RSPO2: variants seen among roughly 807,000 people sequenced by gnomAD.
RSPO2 encodes R-spondin-2.
Under a neutral mutation model 30.9 loss-of-function variants are expected in RSPO2, and 14 were observed. That is an observed-to-expected ratio of 0.45 (90% CI 0.30 to 0.71). The LOEUF (loss-of-function observed/expected upper bound fraction) is 0.71. RSPO2 is among the 30% of genes least tolerant of loss of function. The pLI, the probability that RSPO2 is intolerant of heterozygous loss-of-function variation, is 0.08. For missense variants in RSPO2, 264 were observed against 301.9 expected (o/e 0.87, Z 0.93); for synonymous variants, 107 against 96.4 (o/e 1.11, Z -0.64).
intron 2 of RSPO2, among the ~76,000 whole-genome samples, chr8:108,040,581 G>A (rs1811725190): frequency 6.6e-6 from 1 of 152,124 alleles, no homozygotes; most frequent in Non-Finnish European, 1.5e-5. Flanking sequence ...CACTGAAAAT[G>A]AGAACTATCT....
intron 2 of RSPO2, among the ~76,000 whole-genome samples, chr8:108,054,203 G>A (rs1221010669): frequency 6.6e-6 from 1 of 152,178 alleles, no homozygotes; most frequent in Non-Finnish European, 1.5e-5. Flanking sequence ...AGGGCACACA[G>A]TGCTAGCTTC....
At chr8:108,070,482 C>T (rs999659010) in intron 2 of RSPO2, among the ~76,000 whole-genome samples, 2 of 151,708 alleles carry the variant, frequency 1.3e-5, no homozygotes, top group African/African-American at 2.4e-5. Flanking sequence ...TTAGTAGAGA[C>T]GGGGTTTCAC....
At chr8:108,006,962 C>A (rs1217165982) in intron 2 of RSPO2, among the ~76,000 whole-genome samples, 1 of 152,194 alleles carries the variant, frequency 6.6e-6, no homozygotes, top group Non-Finnish European at 1.5e-5. Flanking sequence ...CTATATTCTT[C>A]AGCATGTACC....
At chr8:108,059,982 C>T (rs1812397470) in intron 2 of RSPO2, among the ~76,000 whole-genome samples, 1 of 150,892 alleles carries the variant, frequency 6.6e-6, no homozygotes, top group East Asian at 1.9e-4. Context: ...TGCACATGTA[C>T]CCTAAAACTT....
rs1162602144 is a variant in RSPO2, at chr8:107,949,957, C to G, written c.616+8123G>C. On this transcript the variant is annotated intron_variant, in intron 5 of 5. Transcript: ENST00000276659. ...TTCAGCCTTCATCCAAGGATAAACG[C>G]CAAGCTGCTTTCTACCTTTTGGAAG... 2.0e-5 allele frequency among the ~76,000 whole-genome samples: 3 copies of G among 152,116 alleles called. No individual in the cohort carries two copies. The East Asian group carries it at 5.8e-4, about 29-fold the overall frequency.
At chr8:107,905,720 C>G (rs996505075) in intron 5 of RSPO2, among the ~76,000 whole-genome samples, 1 of 151,732 alleles carries the variant, frequency 6.6e-6, no homozygotes, top group Non-Finnish European at 1.5e-5. Flanking sequence ...TGAAATGCTC[C>G]TTTTACATCT....
chr8:107,989,280 A>G (rs1232107598), intron 2 of RSPO2, 36 bp from the exon 3 acceptor site: 1 of 1,426,626 alleles, frequency 7.0e-7, no homozygotes, highest in East Asian at 2.5e-5. Flanking sequence ...TTTAATTATC[A>G]GTATAATCAG....
chr8:107,944,276 TA>T (rs1247616930), intron 5 of RSPO2, among the ~76,000 whole-genome samples: 2 of 152,184 alleles, frequency 1.3e-5, no homozygotes, highest in Non-Finnish European at 2.9e-5. Context: ...AACTGCTGAA[TA>T]AAATGTTATA....
intron 2 of RSPO2, among the ~76,000 whole-genome samples, chr8:108,073,713 T>A (rs909664704): frequency 3.9e-5 from 6 of 152,238 alleles, no homozygotes; most frequent in African/African-American, 1.4e-4. Flanking sequence ...ATAAACTCTT[T>A]AGTGGGATTG....
intron 5 of RSPO2, among the ~76,000 whole-genome samples, chr8:107,937,201 T>C (rs1455760617): frequency 2.6e-5 from 4 of 150,962 alleles, no homozygotes; most frequent in Admixed American, 1.3e-4. Context: ...AGTTTCATCC[T>C]TCTGCGTATG....
At chr8:107,969,288 T>C (rs969066461) in intron 3 of RSPO2, among the ~76,000 whole-genome samples, 2 of 152,146 alleles carry the variant, frequency 1.3e-5, no homozygotes, top group African/African-American at 4.8e-5. Context: ...TAGAGTTCTA[T>C]CTTACATGCC....
chr8:107,969,250 A>C (rs1013534741), intron 3 of RSPO2, among the ~76,000 whole-genome samples: 27 of 152,134 alleles, frequency 1.8e-4, no homozygotes, highest in Non-Finnish European at 3.1e-4. Context: ...TCTATCTAGA[A>C]ATTTACATAC....
At chr8:107,924,518 A>G (rs1046595163) in intron 5 of RSPO2, among the ~76,000 whole-genome samples, 2 of 152,050 alleles carry the variant, frequency 1.3e-5, no homozygotes, top group Non-Finnish European at 2.9e-5. Context: ...ATTTTTATAA[A>G]AGATCAAGAA....
intron 2 of RSPO2, among the ~76,000 whole-genome samples, chr8:108,017,463 A>C (rs1470953536): frequency 6.6e-6 from 1 of 152,236 alleles, no homozygotes; most frequent in Non-Finnish European, 1.5e-5. Context: ...GAGGAAGAGA[A>C]ACAGTGGAAG....
chr8:107,943,225 A>G (rs886953829), intron 5 of RSPO2, among the ~76,000 whole-genome samples: 10 of 151,964 alleles, frequency 6.6e-5, no homozygotes, highest in African/African-American at 2.4e-4. Flanking sequence ...GTGCGCGCGC[A>G]CACACAGACA....
At chr8:107,950,061 G>T (rs1813191599) in intron 5 of RSPO2, among the ~76,000 whole-genome samples, 1 of 152,172 alleles carries the variant, frequency 6.6e-6, no homozygotes, top group Non-Finnish European at 1.5e-5. Flanking sequence ...CTGCAGAAAT[G>T]TGTTTAGCTT....
intron 2 of RSPO2, among the ~76,000 whole-genome samples, chr8:108,002,294 T>C (rs928893726): frequency 6.6e-6 from 1 of 152,190 alleles, no homozygotes; most frequent in Non-Finnish European, 1.5e-5. Context: ...AGGGAGATAA[T>C]CCAATTATTT....
intron 2 of RSPO2, among the ~76,000 whole-genome samples, chr8:108,070,714 G>C (rs977542761): frequency 6.6e-6 from 1 of 152,108 alleles, no homozygotes; most frequent in South Asian, 2.1e-4. Context: ...CTCTTACAGT[G>C]TGAAAGGTCC....
chr8:107,944,864 C>CA (rs768055348), intron 5 of RSPO2, among the ~76,000 whole-genome samples: 3 of 151,786 alleles, frequency 2.0e-5, no homozygotes, highest in Admixed American at 6.6e-5. Context: ...AAGAGAAAAA[C>CA]AAAAAAACAG....
Sources: allele counts gnomAD v4.1 joint callset (sites outside exome capture counted in the v4.1 genomes callset), GRCh38; gene constraint gnomAD v4.1.1; transcripts MANE v1.5; gene names NCBI Gene and HGNC (gene_info 2026-07-23, HGNC 2026-07-21).